Variants in IL6R observed in about 807,000 individuals in gnomAD.
IL6R encodes the protein interleukin-6 receptor subunit alpha.
A neutral mutation model predicts 48.3 loss-of-function variants in IL6R; 38 were observed. That is an observed-to-expected ratio of 0.79 (90% CI 0.61 to 1.03). The LOEUF is 1.03. Among genes scored for constraint, IL6R ranks in the 50% least tolerant of loss-of-function variants. The pLI is 0.00. For missense variants in IL6R, 534 were observed against 618.3 expected (o/e 0.86, Z 1.45); for synonymous variants, 264 against 256.2 (o/e 1.03, Z -0.29).
chr1:154,416,008 C>T (rs566463806), intron 1 of IL6R, among the ~76,000 whole-genome samples: 16 of 152,270 alleles, frequency 1.1e-4, no homozygotes, highest in Admixed American at 3.9e-4. Context: ...GTATACAGAT[C>T]AGTAGTGCAG....
intron 1 of IL6R, among the ~76,000 whole-genome samples, chr1:154,413,829 ATCTCTCTC>A (rs369231171): frequency 8.9e-6 from 1 of 112,102 alleles, no homozygotes; most frequent in Non-Finnish European, 1.8e-5. Context: ...CTTTTTTTCC[ATCTCTCTC>A]TCTCTCTCTC....
rs1471126539 is a variant in IL6R at position 154,465,239 on chromosome 1, A to G, written c.1266A>G (p.Pro422=). Residue 422 remains proline (P), a synonymous_variant, in exon 10 of 10, where the codon CCA becomes CCG. Coordinates refer to ENST00000368485, the MANE Select transcript of IL6R (RefSeq NM_000565.4). ...TCCCGGAGAGGCCTCGACCCACCCCAGTGCTTGTTCCTCTCATCTCCCCAC... is the reference window on the plus strand; with the variant it reads ...TCCCGGAGAGGCCTCGACCCACCCCGGTGCTTGTTCCTCTCATCTCCCCAC... The part of the protein sequence containing the change: ...QLVPERPRPT[P]VLVPLISPPV... 2 of 1,614,124 alleles carry G rather than the reference A, an allele frequency of 1.2e-6. No individual in the cohort carries two copies. The highest frequency in any genetic ancestry group is 8.5e-7 in the Non-Finnish European group (1 of 1,180,004).
In IL6R at chr1:154,423,001, T is replaced by C. The variant is rs554216375; in HGVS notation, c.86-6195T>C. On this transcript the variant is annotated intron_variant, in intron 1 of 9. Transcript: ENST00000368485. ...GGCTGAGCCCAGGGATGGTGTCTTG[T>C]GTCCACCAGGGAATCAGGCCTACAG... is the stretch of plus-strand genomic sequence containing the variant. 2.0e-5 allele frequency among the ~76,000 whole-genome samples: 3 copies of C among 152,142 alleles called. No individual in the cohort carries two copies. The South Asian group carries it at 6.2e-4, about 32-fold the overall frequency.
At chr1:154,450,006 C>T (rs766704226) in intron 8 of IL6R, 26 bp downstream of exon 8, 1 of 1,459,130 alleles carries the variant, frequency 6.9e-7, no homozygotes, top group South Asian at 1.1e-5. Context: ...TTTCATATTC[C>T]CAGGGTCCGA....
chr1:154,465,657 G>C lies in IL6R; in HGVS notation c.*277G>C, dbSNP rs1166932339. ...AAGAGAACCATATCAAGACTCTTTG[G>C]ACACTCACACGGACACTCAAAAGCT... On this transcript the variant is annotated 3_prime_UTR_variant, in exon 10 of 10. Coordinates refer to ENST00000368485, the MANE Select transcript of IL6R (RefSeq NM_000565.4). 6.6e-6 allele frequency: 3 copies of C among 453,444 alleles called. No homozygotes were observed. Among genetic ancestry groups the C allele is most frequent in the African/African-American group, 3.9e-5 (2 of 50,672 alleles). The allele number at this position is 453,444 out of a possible 1,614,324, so 28.1% of individuals were successfully genotyped here.
intron 3 of IL6R, among the ~76,000 whole-genome samples, chr1:154,433,778 G>A (rs1004935557): frequency 3.3e-5 from 5 of 151,342 alleles, no homozygotes; most frequent in Non-Finnish European, 5.9e-5. Flanking sequence ...AGGCTGGAGT[G>A]CAGTCTCTGT....
chr1:154,443,785 C>G (rs965349985), intron 6 of IL6R, among the ~76,000 whole-genome samples: 1 of 152,212 alleles, frequency 6.6e-6, no homozygotes, highest in African/African-American at 2.4e-5. Flanking sequence ...TATCTCCTGC[C>G]AAGCCTGTCT....
chr1:154,428,977 G>T (rs1027828769), intron 1 of IL6R, among the ~76,000 whole-genome samples: 2 of 152,158 alleles, frequency 1.3e-5, no homozygotes, highest in African/African-American at 4.8e-5. Flanking sequence ...GGAGTGGGGT[G>T]GCTGGATCAT....
intron 7 of IL6R, among the ~76,000 whole-genome samples, chr1:154,449,620 T>C (rs1225746365): frequency 6.6e-6 from 1 of 152,224 alleles, no homozygotes; most frequent in Non-Finnish European, 1.5e-5. Context: ...GCATCGGACC[T>C]GTAAGGACAA....
At position 154,466,614 on chromosome 1, in the gene IL6R, G is replaced by C. The variant is rs1274612359; in HGVS notation, c.*1234G>C. 6.5e-6 allele frequency: 1 copy of C among 152,806 alleles called. No homozygotes were observed. Among genetic ancestry groups the C allele is most frequent in the Non-Finnish European group, 1.5e-5 (1 of 68,364 alleles). 9.5% of individuals were successfully genotyped at this position (152,806 alleles called of 1,614,324 possible). A position where few individuals can be genotyped will look rare whatever the true frequency, so the allele number is the denominator to read the frequency against. On this transcript the variant is annotated 3_prime_UTR_variant, in exon 10 of 10. Coordinates refer to ENST00000368485, the MANE Select transcript of IL6R (RefSeq NM_000565.4). ...GGTGGCCCACGCACTTCGGGAGGTC[G>C]AGGCAGGAGGATCACTTGAGTCCAG...
At position 154,435,166 on chromosome 1, in the gene IL6R, TGTTTTACTTCTG is replaced by T; in HGVS notation, c.807+13_807+24del. 6.2e-7 allele frequency: 1 copy of T among 1,613,546 alleles called. No individual in the cohort carries two copies. The highest frequency in any genetic ancestry group is 8.5e-7 in the Non-Finnish European group (1 of 1,179,534). ...ATTCACAACATGGATGGTAAATTTA[TGTTTTACTTCTG>T]GTCAGAGAGGCGCCCCTAGATGCTT... On this transcript the variant is annotated intron_variant, in intron 5 of 9. Transcript: ENST00000368485.
chr1:154,460,572 GT>G (rs1691195749), intron 9 of IL6R, among the ~76,000 whole-genome samples: 1 of 152,114 alleles, frequency 6.6e-6, no homozygotes, highest in South Asian at 2.1e-4. Flanking sequence ...AAAAATATAT[GT>G]CATCCAAAGA....
At chr1:154,454,981 G>A (rs1395155977) in intron 9 of IL6R, among the ~76,000 whole-genome samples, 5 of 151,638 alleles carry the variant, frequency 3.3e-5, no homozygotes, top group African/African-American at 7.3e-5. Context: ...GTGCAATCTC[G>A]CCTCACAGGA....
chr1:154,455,271 C>T (rs1219043194), intron 9 of IL6R, among the ~76,000 whole-genome samples: 1 of 151,530 alleles, frequency 6.6e-6, no homozygotes, highest in Non-Finnish European at 1.5e-5. Context: ...TGTGCATGCA[C>T]GTGTCTGTGA....
intron 1 of IL6R, among the ~76,000 whole-genome samples, chr1:154,421,534 C>G (rs1418358643): frequency 1.3e-5 from 2 of 152,204 alleles, no homozygotes; most frequent in African/African-American, 4.8e-5. Flanking sequence ...TGAGGGTGCT[C>G]ACACCCTCCA....
chr1:154,450,143 TTGGAGA>T (rs1690500942), intron 8 of IL6R, among the ~76,000 whole-genome samples, 163 bp downstream of exon 8: 1 of 148,678 alleles, frequency 6.7e-6, no homozygotes, highest in African/African-American at 2.5e-5. Flanking sequence ...TGTGTGTGTG[TTGGAGA>T]GAGTCTTGCT....
intron 5 of IL6R, 90 bp from the exon 6 acceptor site, chr1:154,435,879 A>T: frequency 8.6e-7 from 1 of 1,159,642 alleles, no homozygotes. Context: ...GCTGAAGCAC[A>T]GGGCTGGCCA....
At chr1:154,455,843 G>A (rs1177414021) in intron 9 of IL6R, among the ~76,000 whole-genome samples, 1 of 151,808 alleles carries the variant, frequency 6.6e-6, no homozygotes, top group Admixed American at 6.5e-5. Context: ...GATCACCTGA[G>A]GTCAGGAGTT....
chr1:154,464,368 T>C (rs1691433779), intron 9 of IL6R, among the ~76,000 whole-genome samples: 1 of 152,100 alleles, frequency 6.6e-6, no homozygotes, highest in Admixed American at 6.5e-5. Context: ...TTGGCCAGGC[T>C]GGTCTTGAAC....
Sources: gnomAD v4.1 joint callset for allele counts (sites outside exome capture counted in the v4.1 genomes callset) on GRCh38, gnomAD v4.1.1 for gene constraint, MANE v1.5 for transcripts, NCBI Gene and HGNC (gene_info 2026-07-23, HGNC 2026-07-21) for gene names.